MYO18B: variants seen among roughly 807,000 people sequenced by gnomAD.
MYO18B encodes the protein myosin XVIIIB.
MYO18B carries 204 observed loss-of-function variants against 273.0 expected under a neutral mutation model. That is an observed-to-expected ratio of 0.75 (90% CI 0.67 to 0.84). The LOEUF is 0.84. Among genes scored for constraint, MYO18B ranks in the 40% least tolerant of loss-of-function variants. The pLI is 0.00. For missense variants in MYO18B, 3,212 were observed against 3,287.6 expected (o/e 0.98, Z 0.56); for synonymous variants, 1,330 against 1,305.7 (o/e 1.02, Z -0.40).
intron 25 of MYO18B, among the ~76,000 whole-genome samples, chr22:25,884,333 A>G (rs2091433829): frequency 6.6e-6 from 1 of 151,912 alleles, no homozygotes; most frequent in African/African-American, 2.4e-5. Flanking sequence ...AGGTCTCCTG[A>G]CTCCTCGCTC....
At chr22:25,890,678 C>T (rs553196597) in intron 25 of MYO18B, 78 bp from the exon 26 acceptor site, 22 of 1,561,876 alleles carry the variant, frequency 1.4e-5, no homozygotes, top group Admixed American at 5.6e-5. Context: ...TGTCCAAAGG[C>T]GATCCTGTGC....
At position 26,015,013 on chromosome 22, in the gene MYO18B, C is replaced by CACCCTGTTGATAAGTCTCTTT. The variant is rs555157874; in HGVS notation, c.6470+10159_6470+10179dup. ...TCTCCCATTCTGTAGGTTGTCTCTT[C>CACCCTGTTGATAAGTCTCTTT]ACCCTGTTGATAAGTCTCTTTTGCT... On this transcript the variant is annotated intron_variant, in intron 42 of 43. Transcript: ENST00000335473. Among the ~76,000 whole-genome samples the CACCCTGTTGATAAGTCTCTTT allele has an allele frequency of 3.7e-3, 564 of 152,206 alleles. 3 individuals are homozygous for CACCCTGTTGATAAGTCTCTTT. The highest frequency in any genetic ancestry group is 6.0e-3 in the Non-Finnish European group (411 of 68,014).
chr22:25,874,490 A>T, intron 23 of MYO18B, 76 bp downstream of exon 23: 2 of 1,531,108 alleles, frequency 1.3e-6, no homozygotes, highest in Non-Finnish European at 1.8e-6. Context: ...GTCTTTCAGG[A>T]TGATACCGGT....
At chr22:25,851,712 G>A in intron 21 of MYO18B, 133 bp downstream of exon 21, 1 of 689,894 alleles carries the variant, frequency 1.4e-6, no homozygotes, top group Non-Finnish European at 2.6e-6. Context: ...CAGGTGGGTG[G>A]ATCACTTGAG....
At chr22:25,747,062 C>G (rs2085800724) in intron 1 of MYO18B, among the ~76,000 whole-genome samples, 1 of 152,126 alleles carries the variant, frequency 6.6e-6, no homozygotes, top group Non-Finnish European at 1.5e-5. Flanking sequence ...GTGGACCTTG[C>G]AGTGAGCCGA....
At chr22:25,787,555 T>C (rs1179168170) in intron 11 of MYO18B, among the ~76,000 whole-genome samples, 1 of 152,060 alleles carries the variant, frequency 6.6e-6, no homozygotes, top group African/African-American at 2.4e-5. Flanking sequence ...CCAAATATTG[T>C]ATGGGCAAGC....
chr22:25,889,390 G>C (rs1158566026), intron 25 of MYO18B, among the ~76,000 whole-genome samples: 1 of 152,094 alleles, frequency 6.6e-6, no homozygotes, highest in African/African-American at 2.4e-5. Flanking sequence ...ATGAAAGAGT[G>C]AGGCATTCTA....
In MYO18B at chr22:25,748,147, C is replaced by T. The variant is rs944479517; in HGVS notation, c.-110+5854C>T. On this transcript the variant is annotated intron_variant, in intron 1 of 43. Coordinates refer to ENST00000335473, the MANE Select transcript of MYO18B (RefSeq NM_032608.7). ...AGGCTGAAGGTGACAGATGAGAAAA[C>T]TGGGGGCGGATTCCATCATTTCAGT... Among the ~76,000 whole-genome samples the T allele has an allele frequency of 4.6e-5, 7 of 152,328 alleles. No individual in the cohort carries two copies. In the East Asian group the frequency reaches 1.4e-3, roughly 29 times the overall value.
rs71191080 is a variant in MYO18B, at chr22:25,802,767, A to ACC, written c.2521+4670_2521+4671insCC. Among the ~76,000 whole-genome samples the ACC allele has an allele frequency of 2.2e-5, 3 of 135,002 alleles. 1 individual carries two copies. The highest frequency in any genetic ancestry group is 8.5e-5 in the African/African-American group (3 of 35,266). The allele number at this position is 135,002 out of a possible 152,430, so 88.6% of individuals were successfully genotyped here. On this transcript the variant is annotated intron_variant, in intron 12 of 43. Transcript: ENST00000335473. ...GACTCTGTCTCAAAAAAAAAAAAAA[A>ACC]AAAAAAAAACCCCTATAGCCTTTAG... is the stretch of plus-strand genomic sequence containing the variant.
chr22:26,022,060 G>C (rs1226124187), intron 42 of MYO18B, among the ~76,000 whole-genome samples: 1 of 152,132 alleles, frequency 6.6e-6, no homozygotes, highest in East Asian at 1.9e-4. Flanking sequence ...AAGTCTCCAA[G>C]GCTTTTCTGG....
At chr22:25,871,551 T>C (rs1490583858) in intron 22 of MYO18B, among the ~76,000 whole-genome samples, 1 of 152,156 alleles carries the variant, frequency 6.6e-6, no homozygotes, top group Non-Finnish European at 1.5e-5. Context: ...AAAAACAGTT[T>C]GCGTGGTTTT....
At chr22:25,852,769 A>G (rs1005770394) in intron 21 of MYO18B, among the ~76,000 whole-genome samples, 2 of 152,202 alleles carry the variant, frequency 1.3e-5, no homozygotes, top group South Asian at 4.1e-4. Context: ...TTTAAAGAGC[A>G]TAGTTCATAA....
intron 42 of MYO18B, among the ~76,000 whole-genome samples, chr22:26,016,576 T>C (rs994547039): frequency 9.2e-5 from 14 of 152,230 alleles, no homozygotes; most frequent in Admixed American, 3.9e-4. Context: ...TTCTGAATTA[T>C]TCAGCCCAGG....
At chr22:25,874,448 C>T in intron 23 of MYO18B, 34 bp downstream of exon 23, 1 of 1,596,940 alleles carries the variant, frequency 6.3e-7, no homozygotes, top group Non-Finnish European at 8.5e-7. Context: ...GAGTCTGATC[C>T]AACGGGTCTG....
intron 12 of MYO18B, among the ~76,000 whole-genome samples, chr22:25,800,785 T>TG (rs57524878): frequency 6.6e-6 from 1 of 152,056 alleles, no homozygotes; most frequent in Non-Finnish European, 1.5e-5. Flanking sequence ...TGGGGCAGAG[T>TG]GGGGGGGCCC....
intron 6 of MYO18B, 70 bp downstream of exon 6, chr22:25,771,054 C>A: frequency 9.3e-7 from 1 of 1,070,288 alleles, no homozygotes; most frequent in Non-Finnish European, 1.4e-6. Context: ...CCATACCCTC[C>A]TTCCCCAGTC....
intron 17 of MYO18B, among the ~76,000 whole-genome samples, chr22:25,837,128 G>T (rs1361297807): frequency 1.3e-5 from 2 of 152,056 alleles, no homozygotes; most frequent in African/African-American, 2.4e-5. Flanking sequence ...CTAATATGTG[G>T]CAGCCACTGT....
intron 25 of MYO18B, among the ~76,000 whole-genome samples, chr22:25,880,650 T>C (rs1370276833): frequency 6.6e-6 from 1 of 152,260 alleles, no homozygotes; most frequent in Non-Finnish European, 1.5e-5. Flanking sequence ...GACATTTGAC[T>C]GGACACCTTG....
At chr22:25,937,670 C>T (rs188130006) in intron 34 of MYO18B, among the ~76,000 whole-genome samples, 153 of 151,402 alleles carry the variant, frequency 1.0e-3, no homozygotes, top group African/African-American at 3.3e-3. Flanking sequence ...ACCACAACCT[C>T]TGCCTCCCAG....
Sources: allele counts gnomAD v4.1 joint callset (sites outside exome capture counted in the v4.1 genomes callset), GRCh38; gene constraint gnomAD v4.1.1; transcripts MANE v1.5; gene names NCBI Gene and HGNC (gene_info 2026-07-23, HGNC 2026-07-21).